The following FOXP1 variants were observed in gnomAD, a reference collection of about 807,000 sequenced individuals.
FOXP1 encodes the protein forkhead box protein P1.
FOXP1 carries 15 observed loss-of-function variants against 98.2 expected under a neutral mutation model. That is an observed-to-expected ratio of 0.15 (90% CI 0.10 to 0.24). The LOEUF is 0.24. Among genes scored for constraint, FOXP1 ranks in the 10% least tolerant of loss-of-function variants. The pLI, the probability that FOXP1 is intolerant of heterozygous loss-of-function variation, is 1.00. For synonymous variants in FOXP1, 371 were observed against 314.5 expected (o/e 1.18, Z -1.90); for missense variants, 633 against 848.5 (o/e 0.75, Z 3.15).
rs575943685 is a variant in FOXP1 at position 71,049,961 on chromosome 3, AAGGATATT to A, written c.510+2568_510+2575del. On this transcript the variant is annotated intron_variant, in intron 9 of 20. Coordinates refer to ENST00000649528, the MANE Select transcript of FOXP1 (RefSeq NM_001349338.3). The stretch of plus-strand genomic sequence containing the variant: ...CCCATCCACTGGTCTGCCTACCTCA[AAGGATATT>A]CAAAGCAACCTATCTCCTGGGTCAC... Among the ~76,000 whole-genome samples the A allele has an allele frequency of 2.2e-4, 34 of 152,242 alleles. No homozygotes were observed. In the South Asian group the frequency reaches 7.1e-3, roughly 32 times the overall value.
chr3:71,513,621 T>C (rs2042355174), intron 2 of FOXP1, among the ~76,000 whole-genome samples: 1 of 152,166 alleles, frequency 6.6e-6, no homozygotes, highest in Non-Finnish European at 1.5e-5. Context: ...TGAAAGTTGA[T>C]TATACAAAAT....
intron 5 of FOXP1, among the ~76,000 whole-genome samples, chr3:71,281,798 C>T (rs1288825): frequency 0.48 from 73,664 of 151,950 alleles, 18,549 homozygotes; most frequent in African/African-American, 0.64. Context: ...TTTACATTAT[C>T]ATCCCTCAAA....
At chr3:71,408,474 T>C (rs966066146) in intron 3 of FOXP1, among the ~76,000 whole-genome samples, 2 of 152,224 alleles carry the variant, frequency 1.3e-5, no homozygotes, top group Non-Finnish European at 2.9e-5. Context: ...GTGCCATGAA[T>C]GTCCAGCAGG....
intron 5 of FOXP1, among the ~76,000 whole-genome samples, chr3:71,223,965 C>CTA (rs1307927080): frequency 6.6e-6 from 1 of 152,174 alleles, no homozygotes; most frequent in Admixed American, 6.5e-5. Flanking sequence ...ATCACGCTCC[C>CTA]TAGTATGGCA....
chr3:71,448,973 T>G (rs577906051), intron 3 of FOXP1, among the ~76,000 whole-genome samples: 1 of 152,176 alleles, frequency 6.6e-6, no homozygotes, highest in African/African-American at 2.4e-5. Context: ...CTAGCTCCAA[T>G]GAAATCAAAG....
At chr3:71,234,979 T>C (rs1657846259) in intron 5 of FOXP1, among the ~76,000 whole-genome samples, 1 of 152,202 alleles carries the variant, frequency 6.6e-6, no homozygotes, top group African/African-American at 2.4e-5. Context: ...CCTATGGTCA[T>C]CTCACATCTA....
chr3:71,544,744 T>C (rs915736830), intron 2 of FOXP1, among the ~76,000 whole-genome samples: 2 of 152,214 alleles, frequency 1.3e-5, no homozygotes, highest in African/African-American at 4.8e-5. Flanking sequence ...CAAATCGTCA[T>C]GTATTTTACA....
chr3:71,387,945 C>T (rs1401915082), intron 3 of FOXP1, among the ~76,000 whole-genome samples: 1 of 152,192 alleles, frequency 6.6e-6, no homozygotes, highest in Non-Finnish European at 1.5e-5. Flanking sequence ...AATGCCAGAA[C>T]ATATAATAAA....
At chr3:71,029,378 T>C (rs2046558122) in intron 11 of FOXP1, among the ~76,000 whole-genome samples, 1 of 152,012 alleles carries the variant, frequency 6.6e-6, no homozygotes, top group Non-Finnish European at 1.5e-5. Flanking sequence ...ACTATGATGT[T>C]CCACTAGTGC....
intron 3 of FOXP1, among the ~76,000 whole-genome samples, chr3:71,444,951 G>A (rs2086279350): frequency 6.6e-6 from 1 of 152,166 alleles, no homozygotes; most frequent in African/African-American, 2.4e-5. Flanking sequence ...CAATTTTCTG[G>A]AAAACGAATG....
intron 17 of FOXP1, among the ~76,000 whole-genome samples, chr3:70,973,835 G>GCCCCCCCCCCCCCCCCCCCCC (rs56950015): frequency 9.3e-4 from 34 of 36,728 alleles, no homozygotes; most frequent in Non-Finnish European, 1.1e-3. Context: ...TTTGCACACC[G>GCCCCCCCCCCCCCCCCCCCCC]CCCCCCCCCC....
chr3:70,963,923 A>G (rs1031170589), intron 20 of FOXP1, among the ~76,000 whole-genome samples: 5 of 152,184 alleles, frequency 3.3e-5, no homozygotes, highest in African/African-American at 1.2e-4. Flanking sequence ...CTTCCTAACA[A>G]GGTCCTTCAA....
chr3:71,310,657 G>C (rs1385245622), intron 4 of FOXP1, among the ~76,000 whole-genome samples: 2 of 152,194 alleles, frequency 1.3e-5, no homozygotes, highest in Non-Finnish European at 2.9e-5. Context: ...GTTTCTCAAG[G>C]GGCTAACTTT....
intron 5 of FOXP1, among the ~76,000 whole-genome samples, chr3:71,219,176 G>A: frequency 6.6e-6 from 1 of 152,084 alleles, no homozygotes; most frequent in Admixed American, 6.6e-5. Flanking sequence ...CTGGGAGCAT[G>A]CCCTCATCAC....
At chr3:71,342,730 T>G (rs1259817129) in intron 4 of FOXP1, among the ~76,000 whole-genome samples, 2 of 151,318 alleles carry the variant, frequency 1.3e-5, no homozygotes, top group African/African-American at 4.9e-5. Flanking sequence ...GTCTAAAATC[T>G]ACCTCTTTCT....
At chr3:71,242,137 T>C (rs571109764) in intron 5 of FOXP1, among the ~76,000 whole-genome samples, 20 of 152,298 alleles carry the variant, frequency 1.3e-4, no homozygotes, top group African/African-American at 4.8e-4. Flanking sequence ...ATGATAACAA[T>C]GCAGGGGTGA....
intron 5 of FOXP1, among the ~76,000 whole-genome samples, chr3:71,204,392 G>A (rs930031309): frequency 2.0e-5 from 3 of 152,164 alleles, no homozygotes; most frequent in East Asian, 1.9e-4. Flanking sequence ...GTAGGCAAAC[G>A]GTAGGGTGGC....
intron 5 of FOXP1, among the ~76,000 whole-genome samples, chr3:71,252,089 CT>C (rs200581286): frequency 0.037 from 5,569 of 150,594 alleles, 329 homozygotes; most frequent in African/African-American, 0.13. Context: ...GGGAAAATGA[CT>C]TTTTTTCTTC....
chr3:71,056,445 C>T (rs1259527676), intron 7 of FOXP1, among the ~76,000 whole-genome samples: 1 of 152,136 alleles, frequency 6.6e-6, no homozygotes, highest in Non-Finnish European at 1.5e-5. Flanking sequence ...ACTTGAGTCT[C>T]CCCTTCTTTT....
Sources: allele counts gnomAD v4.1 joint callset (sites outside exome capture counted in the v4.1 genomes callset), GRCh38; gene constraint gnomAD v4.1.1; transcripts MANE v1.5; gene names NCBI Gene and HGNC (gene_info 2026-07-23, HGNC 2026-07-21).